LRIF1: variants seen among roughly 807,000 people sequenced by gnomAD.
The protein encoded by LRIF1 is ligand-dependent nuclear receptor-interacting factor 1.
LRIF1 carries 32 observed loss-of-function variants against 52.7 expected under a neutral mutation model. The observed-to-expected ratio is 0.61, with a 90% CI of 0.46 to 0.82. LRIF1 has a LOEUF of 0.82. LRIF1 is among the 40% of genes least tolerant of loss of function. The probability of loss-of-function intolerance (pLI) is 0.00; values close to 1 mark genes in which losing one functional copy is unlikely to be tolerated. For missense variants in LRIF1, 887 were observed against 892.0 expected, an observed-to-expected ratio of 0.99 and a Z score of 0.07; for synonymous variants, 323 against 317.4, an observed-to-expected ratio of 1.02 and a Z score of -0.19.
At chr1:110,948,569 C>T (rs1658313949) in intron 3 of LRIF1, among the ~76,000 whole-genome samples, 170 bp from the exon 4 acceptor site, 1 of 152,110 alleles carries the variant, frequency 6.6e-6, no homozygotes. Flanking sequence ...TGTATGGTAC[C>T]AAAATGTCTT....
the LRIF1 span, chr1:110,941,509 A>C: frequency 2.0e-5 from 3 of 152,104 alleles, no homozygotes; most frequent in South Asian, 4.1e-4. Context: ...CCCCTGCAAG[A>C]AACCCTTTTA....
Position 110,957,470 on chromosome 1 carries a change from C to CAA in LRIF1, c.69-4657_69-4656dup, listed in dbSNP as rs34396800. 4.3e-3 allele frequency among the ~76,000 whole-genome samples: 185 copies of CAA among 42,648 alleles called. 6 individuals are homozygous for CAA. The highest frequency in any genetic ancestry group is 0.042 in the Middle Eastern group (3 of 72). 28.0% of individuals were successfully genotyped at this position (42,648 alleles called of 152,430 possible). A position where few individuals can be genotyped will look rare whatever the true frequency, so the allele number is the denominator to read the frequency against. ...TGGGCGACAAAGCAAGACTCAGTCTCAAAAAAAAAAAAAAAAAAAAAAGAC... is the reference window on the plus strand; with the variant it reads ...TGGGCGACAAAGCAAGACTCAGTCTCAAAAAAAAAAAAAAAAAAAAAAAAGAC... On this transcript the variant is annotated intron_variant, in intron 1 of 3. Coordinates refer to ENST00000369763, the MANE Select transcript of LRIF1 (RefSeq NM_018372.4).
At position 110,951,271 on chromosome 1, in the gene LRIF1, T is replaced by C; in HGVS notation, c.1596+17A>G. On this transcript the variant is annotated intron_variant, in intron 2 of 3. Coordinates refer to ENST00000369763, the MANE Select transcript of LRIF1 (RefSeq NM_018372.4). ...ATATAGATATATAAAAAGAGCACCC[T>C]GACATGGGAAAATTACCTTTGGTTC... 1 of 1,589,600 alleles carries C rather than the reference T, an allele frequency of 6.3e-7. No homozygotes were observed. Among genetic ancestry groups the C allele is most frequent in the Non-Finnish European group, 8.5e-7 (1 of 1,169,750 alleles).
chr1:110,899,271 A>C, the LRIF1 span: 1 of 1,020,076 alleles, frequency 9.8e-7, no homozygotes, highest in Non-Finnish European at 1.5e-6. Context: ...GAAGCCCTAC[A>C]TGATCACTGC....
chr1:110,928,994 T>G, the LRIF1 span, among the ~76,000 whole-genome samples: 88 of 152,316 alleles, frequency 5.8e-4, 1 homozygote, highest in Non-Finnish European at 8.7e-4. Flanking sequence ...CCTTTTTATT[T>G]TCATCGAATT....
rs766102497 is a variant in LRIF1, at chr1:110,959,611, G to A, written c.68+4010C>T. Among the ~76,000 whole-genome samples the A allele has an allele frequency of 2.0e-5, 3 of 151,694 alleles. No homozygotes were observed. In the South Asian group the frequency reaches 6.2e-4, roughly 32 times the overall value. On this transcript the variant is annotated intron_variant, in intron 1 of 3. Transcript: ENST00000369763. ...CTAAAAATACAAAAATTAGCCGGGC[G>A]TGGTGGCACACGCCTGTAGTCCCAG...
intron 1 of LRIF1, among the ~76,000 whole-genome samples, chr1:110,958,604 G>C (rs547154606): frequency 2.8e-4 from 43 of 152,124 alleles, no homozygotes; most frequent in African/African-American, 1.0e-3. Flanking sequence ...TATACTGTGT[G>C]AGCTATTTTC....
rs1658494556 is a variant in LRIF1, at chr1:110,951,883, A to G, written c.1001T>C (p.Met334Thr). The G allele has an allele frequency of 1.9e-6, 3 of 1,613,830 alleles. No homozygotes were observed. The highest frequency in any genetic ancestry group is 2.5e-6 in the Non-Finnish European group (3 of 1,179,976). The part of the protein sequence containing the change: ...RKNLGDNTIN[M>T]PPLSTIDPSG... ...AGGATCGATGGTACTCAATGGTGGC[A>G]TATTTATAGTATTATCTCCCAAATT... Residue 334 changes from methionine (M) to threonine (T), a missense_variant, in exon 2 of 4, where the codon ATG becomes ACG. Physicochemically the swap from Met to Thr is moderately conservative, Grantham distance 81. Transcript: ENST00000369763.
chr1:110,939,234 C>T, the LRIF1 span: 5 of 151,740 alleles, frequency 3.3e-5, no homozygotes, highest in East Asian at 5.8e-4. Flanking sequence ...AAAAATTAGC[C>T]GGGCGTGTTG....
At chr1:110,940,859 G>A in the LRIF1 span, 1 of 152,060 alleles carries the variant, frequency 6.6e-6, no homozygotes, top group African/African-American at 2.4e-5. Flanking sequence ...GGGAGGTAGG[G>A]ATTGTTAATG....
downstream of LRIF1, among the ~76,000 whole-genome samples, chr1:110,942,764 G>A (rs114128625): frequency 0.041 from 6,308 of 152,144 alleles, 211 homozygotes; most frequent in Non-Finnish European, 0.063. Context: ...TCTTGGTTGA[G>A]GCAAATTTTG....
chr1:110,888,205 A>G, the LRIF1 span, among the ~76,000 whole-genome samples: 2 of 152,216 alleles, frequency 1.3e-5, no homozygotes, highest in Admixed American at 1.3e-4. Context: ...CTGTAAAATA[A>G]TAAATTTGCG....
At chr1:110,922,688 AT>A in the LRIF1 span, among the ~76,000 whole-genome samples, 3 of 152,256 alleles carry the variant, frequency 2.0e-5, no homozygotes, top group Admixed American at 6.5e-5. Context: ...ACTGTAACAA[AT>A]TACCACAAAC....
the LRIF1 span, among the ~76,000 whole-genome samples, chr1:110,885,825 C>T: frequency 6.6e-6 from 1 of 152,220 alleles, no homozygotes; most frequent in Non-Finnish European, 1.5e-5. Flanking sequence ...GATCACACCA[C>T]TGCACTCCAG....
At chr1:110,957,470 C>CCAAAA (rs563788893) in intron 1 of LRIF1, among the ~76,000 whole-genome samples, 1 of 42,802 alleles carries the variant, frequency 2.3e-5, no homozygotes, top group African/African-American at 1.1e-4. Flanking sequence ...GACTCAGTCT[C>CCAAAA]AAAAAAAAAA....
At chr1:110,953,927 CAT>C (rs1658589345) in intron 1 of LRIF1, among the ~76,000 whole-genome samples, 2 of 152,094 alleles carry the variant, frequency 1.3e-5, no homozygotes, top group Admixed American at 6.5e-5. Flanking sequence ...TGGTATATAT[CAT>C]AGATTGTCAT....
chr1:110,952,735 T>C lies in LRIF1; in HGVS notation c.149A>G (p.Lys50Arg). 1 of 1,613,830 alleles carries C rather than the reference T, an allele frequency of 6.2e-7. No individual in the cohort carries two copies. Among genetic ancestry groups the C allele is most frequent in the Non-Finnish European group, 8.5e-7 (1 of 1,179,836 alleles). Residue 50 changes from lysine to arginine, a missense_variant, in exon 2 of 4, where the codon AAG becomes AGG. Physicochemically the swap from Lys to Arg is conservative, Grantham distance 26. Transcript: ENST00000369763. ...KNLLQLLPIP[K>R]SSGNLIPLVQ... ...TAGTGGTATAAGATTTCCAGAAGAC[T>C]TAGGAATTGGAAGTAATTGCAGAAG...
In LRIF1 at chr1:110,951,766, T is replaced by C; in HGVS notation, c.1118A>G (p.Asp373Gly). ...KVYLLAKKGT[D>G]VLPSQIDQQN... Reference sequence around the variant, plus strand: ...TTGGTCAATTTGTGATGGCAGAACATCTGTCCCCTTTTTAGCCAACAGATA... The same window carrying C: ...TTGGTCAATTTGTGATGGCAGAACACCTGTCCCCTTTTTAGCCAACAGATA... The change falls in exon 2 of 4, where the codon GAT becomes GGT. Residue 373 changes from aspartate to glycine, a missense_variant. Asp to Gly is a moderately conservative substitution (Grantham distance 94). Coordinates refer to ENST00000369763, the MANE Select transcript of LRIF1 (RefSeq NM_018372.4). 1 of 1,613,066 alleles carries C rather than the reference T, an allele frequency of 6.2e-7. No individual in the cohort carries two copies.
At position 110,948,291 on chromosome 1, in the gene LRIF1, C is replaced by T. The variant is rs757755996; in HGVS notation, c.1978G>A (p.Val660Ile). 1 of 1,614,096 alleles carries T rather than the reference C, an allele frequency of 6.2e-7. No homozygotes were observed. The highest frequency in any genetic ancestry group is 1.3e-5 in the African/African-American group (1 of 75,034). The stretch of plus-strand genomic sequence containing the variant: ...CTGCTTAGGAGTTGGGAACCGGTGA[C>T]ATTAGCTTCCCCATTTATGATTGCG... ...YNAIINGEAN[V>I]TGSQLLSSIL... is the part of the protein sequence containing the mutation. The change falls in exon 4 of 4, where the codon GTC becomes ATC. Residue 660 changes from valine to isoleucine, a missense_variant. Val to Ile is a conservative substitution (Grantham distance 29, BLOSUM62 3). Transcript: ENST00000369763.
Sources: allele counts gnomAD v4.1 joint callset (sites outside exome capture counted in the v4.1 genomes callset), GRCh38; gene constraint gnomAD v4.1.1; transcripts MANE v1.5; gene names NCBI Gene and HGNC (gene_info 2026-07-23, HGNC 2026-07-21).